Variants in SND1 observed in about 807,000 individuals in gnomAD.
SND1 encodes staphylococcal nuclease domain-containing protein 1.
A neutral mutation model predicts 121.7 loss-of-function variants in SND1; 38 were observed. That is an observed-to-expected ratio of 0.31 (90% CI 0.24 to 0.41). The LOEUF is 0.41. Ranked by LOEUF, SND1 falls within the 10% of genes least tolerant of loss-of-function variation. The pLI is 1.00. For synonymous variants in SND1, 401 were observed against 447.4 expected (o/e 0.90, Z 1.31); for missense variants, 868 against 1,184.6 (o/e 0.73, Z 3.92).
intron 16 of SND1, among the ~76,000 whole-genome samples, chr7:128,035,253 C>G (rs538705040): frequency 2.0e-5 from 3 of 152,154 alleles, no homozygotes; most frequent in Non-Finnish European, 2.9e-5. Context: ...AGTTTCTTAC[C>G]GCTCTCTTAG....
rs77851867 is a variant in SND1, at chr7:127,794,647, G to C, written c.1153-12837G>C. 7.8e-3 allele frequency among the ~76,000 whole-genome samples: 1,192 copies of C among 152,204 alleles called. 18 individuals carry two copies. Among genetic ancestry groups the C allele is most frequent in the African/African-American group, 0.027 (1,114 of 41,522 alleles). On this transcript the variant is annotated intron_variant, in intron 10 of 23. Coordinates refer to ENST00000354725, the MANE Select transcript of SND1 (RefSeq NM_014390.4). The stretch of plus-strand genomic sequence containing the variant: ...CAGAGATTTATTTTCTTTTCCTCCT[G>C]TTCTTTTCCCCTCTTCTGTAACTGT...
At chr7:127,873,329 T>G (rs901931626) in intron 12 of SND1, among the ~76,000 whole-genome samples, 26 of 152,164 alleles carry the variant, frequency 1.7e-4, no homozygotes, top group African/African-American at 6.3e-4. Flanking sequence ...CCTCTTACTC[T>G]ATCCTAAGTA....
At chr7:127,844,257 A>G in intron 11 of SND1, 67 bp from the exon 12 acceptor site, 1 of 1,243,110 alleles carries the variant, frequency 8.0e-7, no homozygotes, top group Admixed American at 1.9e-5. Context: ...TTGAGCAGGC[A>G]CATGTGGCTG....
At chr7:127,931,034 G>T (rs961347627) in intron 15 of SND1, among the ~76,000 whole-genome samples, 2 of 152,038 alleles carry the variant, frequency 1.3e-5, no homozygotes, top group African/African-American at 4.8e-5. Flanking sequence ...ATTGTTTCGG[G>T]TCGCCATGAA....
chr7:127,922,191 T>TTTTTTTTG (rs1584668402), intron 14 of SND1, among the ~76,000 whole-genome samples: 6 of 106,130 alleles, frequency 5.7e-5, no homozygotes, highest in African/African-American at 1.0e-4. Flanking sequence ...TTTTTTTTTT[T>TTTTTTTTG]TTTTTTTTTT....
intron 15 of SND1, among the ~76,000 whole-genome samples, chr7:127,951,244 A>G (rs568509736): frequency 4.2e-4 from 64 of 152,148 alleles, no homozygotes; most frequent in South Asian, 3.1e-3. Flanking sequence ...AGCCTTAGGG[A>G]AAAAAAAGGA....
At chr7:128,081,991 A>G (rs1793611299) in intron 18 of SND1, 2 of 532,522 alleles carry the variant, frequency 3.8e-6, no homozygotes, top group South Asian at 2.8e-5. Context: ...CCTGAGTGAT[A>G]GCCAGTTTCC....
intron 10 of SND1, among the ~76,000 whole-genome samples, chr7:127,798,336 G>C (rs1798063448): frequency 6.6e-6 from 1 of 152,184 alleles, no homozygotes; most frequent in South Asian, 2.1e-4. Context: ...CAGACCCCTG[G>C]ATGGCTTTGG....
intron 16 of SND1, among the ~76,000 whole-genome samples, chr7:128,067,039 C>T (rs1793328448): frequency 6.6e-6 from 1 of 152,188 alleles, no homozygotes. Flanking sequence ...GGCTTCCCTG[C>T]TTGCCCTTCT....
chr7:128,004,103 C>T (rs1176481021), intron 16 of SND1, among the ~76,000 whole-genome samples: 3 of 150,570 alleles, frequency 2.0e-5, no homozygotes, highest in African/African-American at 7.3e-5. Flanking sequence ...GATGGGTAGA[C>T]TGGCTAACTG....
At chr7:127,999,702 T>A (rs1172726680) in intron 16 of SND1, 1 of 152,206 alleles carries the variant, frequency 6.6e-6, no homozygotes, top group East Asian at 1.9e-4. Flanking sequence ...CATAAGGTCA[T>A]GAAAGTCCTT....
chr7:127,877,170 T>C (rs1036219445), intron 12 of SND1, among the ~76,000 whole-genome samples: 8 of 152,128 alleles, frequency 5.3e-5, no homozygotes. Context: ...AATGAGACTA[T>C]CAAATAAGAG....
intron 13 of SND1, among the ~76,000 whole-genome samples, chr7:127,902,552 G>T (rs2116761312): frequency 6.6e-6 from 1 of 152,270 alleles, no homozygotes; most frequent in African/African-American, 2.4e-5. Context: ...TTGTTAGTTG[G>T]CTTCTAGCCA....
intron 11 of SND1, among the ~76,000 whole-genome samples, chr7:127,813,052 A>G (rs988693359): frequency 2.0e-5 from 3 of 152,214 alleles, no homozygotes; most frequent in Admixed American, 6.5e-5. Flanking sequence ...AGGTTTATAC[A>G]AGGTTGCTTG....
At chr7:127,794,935 C>T (rs757365983) in intron 10 of SND1, among the ~76,000 whole-genome samples, 4 of 152,212 alleles carry the variant, frequency 2.6e-5, no homozygotes, top group Non-Finnish European at 5.9e-5. Flanking sequence ...TTGCTGCCAC[C>T]GGTTACCATA....
At chr7:127,807,663 A>T in intron 11 of SND1, 90 bp downstream of exon 11, 2 of 926,706 alleles carry the variant, frequency 2.2e-6, no homozygotes. Flanking sequence ...GCCCTTTACC[A>T]GCAGATGACA....
intron 16 of SND1, among the ~76,000 whole-genome samples, chr7:128,043,402 C>A (rs925101339): frequency 3.3e-5 from 5 of 151,910 alleles, no homozygotes; most frequent in Admixed American, 6.6e-5. Flanking sequence ...GGTAAAACCC[C>A]ATTTCTACTA....
chr7:127,849,191 T>A (rs1334878545), intron 12 of SND1, among the ~76,000 whole-genome samples: 1 of 152,256 alleles, frequency 6.6e-6, no homozygotes, highest in African/African-American at 2.4e-5. Flanking sequence ...CTTTTTATTG[T>A]ATTTAAGACA....
intron 15 of SND1, among the ~76,000 whole-genome samples, chr7:127,967,477 A>G (rs1441592628): frequency 1.3e-5 from 2 of 152,146 alleles, no homozygotes; most frequent in South Asian, 2.1e-4. Flanking sequence ...ATGAATAACT[A>G]TGGCTTGATG....
Sources: allele counts gnomAD v4.1 joint callset (sites outside exome capture counted in the v4.1 genomes callset), GRCh38; gene constraint gnomAD v4.1.1; transcripts MANE v1.5; gene names NCBI Gene and HGNC (gene_info 2026-07-23, HGNC 2026-07-21).